EPHB3: variants seen among roughly 807,000 people sequenced by gnomAD.
EPHB3 encodes the protein ephrin type-B receptor 3.
In EPHB3, 33 loss-of-function variants were observed where a neutral mutation model predicts 100.2. That is an observed-to-expected ratio of 0.33 (90% CI 0.25 to 0.44). The LOEUF is 0.44. EPHB3 is among the 20% of genes least tolerant of loss of function. The probability of loss-of-function intolerance (pLI) is 1.00; values close to 1 mark genes in which losing one functional copy is unlikely to be tolerated. For missense variants in EPHB3, 1,045 were observed against 1,378.3 expected, an observed-to-expected ratio of 0.76 and a Z score of 3.83; for synonymous variants, 526 against 554.7, an observed-to-expected ratio of 0.95 and a Z score of 0.73.
chr3:184,564,597 A>G lies in EPHB3; in HGVS notation c.118+2244A>G, dbSNP rs555163347. On this transcript the variant is annotated intron_variant, in intron 1 of 15. Coordinates refer to ENST00000330394, the MANE Select transcript of EPHB3 (RefSeq NM_004443.4). ...TGCTCCTTGGGGAGCTTCAGGAGTG[A>G]AACGAGTGTGTGCCCTTATCCTGCT... 1.4e-4 allele frequency among the ~76,000 whole-genome samples: 22 copies of G among 152,282 alleles called. No individual in the cohort carries two copies. In the South Asian group the frequency reaches 1.5e-3, roughly 10 times the overall value.
At chr3:184,564,464 G>A (rs964030001) in intron 1 of EPHB3, among the ~76,000 whole-genome samples, 2 of 152,220 alleles carry the variant, frequency 1.3e-5, no homozygotes. Context: ...GAACCGCACC[G>A]ACCTCGCAGA....
At chr3:184,575,268 TTCTC>T (rs941953160) in intron 3 of EPHB3, 3 of 979,200 alleles carry the variant, frequency 3.1e-6, no homozygotes, top group East Asian at 1.1e-4. Flanking sequence ...CCTGCTTTCT[TTCTC>T]TCCTCCTCTC....
chr3:184,572,476 T>A lies in EPHB3; in HGVS notation c.184-28T>A, dbSNP rs750751643. Reference sequence around the variant, plus strand: ...GCACTTGGCAAATGCAGGCATTCACTCTGTCTTTTTCATTGGTCCATGCAC... The same window carrying A: ...GCACTTGGCAAATGCAGGCATTCACACTGTCTTTTTCATTGGTCCATGCAC... On this transcript the variant is annotated intron_variant, in intron 2 of 15. Transcript: ENST00000330394. The surrounding 1 kb of genome is among the most constrained non-coding windows in gnomAD (Gnocchi z 6.6). 1.3e-6 allele frequency: 2 copies of A among 1,530,370 alleles called. No individual in the cohort carries two copies. The highest frequency in any genetic ancestry group is 4.5e-5 in the Admixed American group (2 of 44,466). 94.8% of individuals were successfully genotyped at this position (1,530,370 alleles called of 1,614,324 possible).
rs1364149779 is a variant in EPHB3, at chr3:184,569,353, G to C, written c.119-1965G>C. ...GGCCTCCGCGTCTCTCGGTCTCCCT[G>C]TCTTTGTAGTCAGCCGCCGGCCATC... On this transcript the variant is annotated intron_variant, in intron 1 of 15. Coordinates refer to ENST00000330394, the MANE Select transcript of EPHB3 (RefSeq NM_004443.4). The surrounding 1 kb of genome is among the most constrained non-coding windows in gnomAD (Gnocchi z 5.4). Among the ~76,000 whole-genome samples, 1 of 152,054 alleles carries C rather than the reference G, an allele frequency of 6.6e-6. No homozygotes were observed. The highest frequency in any genetic ancestry group is 1.5e-5 in the Non-Finnish European group (1 of 67,986).
chr3:184,575,244 C>T, intron 3 of EPHB3: 1 of 984,866 alleles, frequency 1.0e-6, no homozygotes, highest in Non-Finnish European at 1.2e-6. Context: ...CTCCAGGTGA[C>T]CCCAGCCTTC....
Position 184,579,077 on chromosome 3 carries a change from C to T in EPHB3, c.1802-400C>T, listed in dbSNP as rs111638015. ...CACCATAGGTAATTGGAAAGGCTCT[C>T]AAGCTGGGGAGTAATACAATGAAAG... On this transcript the variant is annotated intron_variant, in intron 9 of 15. Coordinates refer to ENST00000330394, the MANE Select transcript of EPHB3 (RefSeq NM_004443.4). The surrounding 1 kb of genome is among the most constrained non-coding windows in gnomAD (Gnocchi z 5.2). Among the ~76,000 whole-genome samples the T allele has an allele frequency of 8.6e-3, 1,304 of 152,194 alleles. 15 individuals carry two copies. Among genetic ancestry groups the T allele is most frequent in the African/African-American group, 0.03 (1,228 of 41,526 alleles).
chr3:184,579,392 AGCAGGGAGCCTGCTGGAGCTGTGCCCATC>A lies in EPHB3; in HGVS notation c.1802-76_1802-48del. On this transcript the variant is annotated intron_variant, in intron 9 of 15. Transcript: ENST00000330394. The surrounding 1 kb of genome is among the most constrained non-coding windows in gnomAD (Gnocchi z 5.2). ...CACAGAGGAATATGGGGCTGGGCTCAGCAGGGAGCCTGCTGGAGCTGTGCCCATCGCAGGGAGAGGCTGGCTTGACGTTA... is the reference window on the plus strand; with the variant it reads ...CACAGAGGAATATGGGGCTGGGCTCAGCAGGGAGAGGCTGGCTTGACGTTA... 1 of 1,568,602 alleles carries A rather than the reference AGCAGGGAGCCTGCTGGAGCTGTGCCCATC, an allele frequency of 6.4e-7. No homozygotes were observed. Among genetic ancestry groups the A allele is most frequent in the Non-Finnish European group, 8.7e-7 (1 of 1,152,662 alleles).
chr3:184,577,825 G>GC lies in EPHB3; in HGVS notation c.1639+13dup. The GC allele has an allele frequency of 6.2e-7, 1 of 1,604,030 alleles. No homozygotes were observed. The highest frequency in any genetic ancestry group is 1.1e-5 in the South Asian group (1 of 90,174). ...AGACCACAAGTGAGAGAGGTTAGTAGCCCCCTGCGCCTGTCCCCATCGCGG... is the reference window on the plus strand; with the variant it reads ...AGACCACAAGTGAGAGAGGTTAGTAGCCCCCCTGCGCCTGTCCCCATCGCGG... On this transcript the variant is annotated intron_variant, in intron 7 of 15. Coordinates refer to ENST00000330394, the MANE Select transcript of EPHB3 (RefSeq NM_004443.4). This position sits in a 1 kb window ranked among gnomAD's most constrained non-coding sequence, Gnocchi z 4.9.
At position 184,577,639 on chromosome 3, in the gene EPHB3, C is replaced by T. The variant is rs992079919; in HGVS notation, c.1480-19C>T. 9.5e-6 allele frequency: 15 copies of T among 1,578,870 alleles called. No homozygotes were observed. In the African/African-American group the frequency reaches 1.2e-4, roughly 13 times the overall value. On this transcript the variant is annotated intron_variant, in intron 6 of 15. Coordinates refer to ENST00000330394, the MANE Select transcript of EPHB3 (RefSeq NM_004443.4). The surrounding 1 kb of genome is among the most constrained non-coding windows in gnomAD (Gnocchi z 4.9). The stretch of plus-strand genomic sequence containing the variant: ...CTCAGGACCCACCTGAGGGTGCCCC[C>T]TCTCTCCTGGCATTGCAGAGCGAGG...
In EPHB3 at chr3:184,572,704, G is replaced by A. The variant is rs745947275; in HGVS notation, c.384G>A (p.Glu128=). The A allele has an allele frequency of 2.0e-5, 33 of 1,611,820 alleles. No homozygotes were observed. The highest frequency in any genetic ancestry group is 2.8e-5 in the Non-Finnish European group (33 of 1,179,232). Residue 128 remains glutamate (E), a synonymous_variant, in exon 3 of 16, where the codon GAG becomes GAA. Coordinates refer to ENST00000330394, the MANE Select transcript of EPHB3 (RefSeq NM_004443.4). The surrounding 1 kb of genome is among the most constrained non-coding windows in gnomAD (Gnocchi z 6.6). ...SIPNIPGSCK[E]TFNLFYYEAD... Reference sequence around the variant, plus strand: ...CCAACATCCCCGGCTCCTGCAAGGAGACCTTCAACCTCTTCTACTACGAGG... The same window carrying A: ...CCAACATCCCCGGCTCCTGCAAGGAAACCTTCAACCTCTTCTACTACGAGG...
In EPHB3 at chr3:184,563,941, T is replaced by A. The variant is rs115566972; in HGVS notation, c.118+1588T>A. 9.1e-3 allele frequency among the ~76,000 whole-genome samples: 1,384 copies of A among 151,988 alleles called. 22 individuals are homozygous for A. The highest frequency in any genetic ancestry group is 0.032 in the African/African-American group (1,328 of 41,420). ...GTGGGTGCTGGTGCTGAGTGTGGAGTGGGAGTGTGGTTTGGGTCAGGTGCA... is the reference window on the plus strand; with the variant it reads ...GTGGGTGCTGGTGCTGAGTGTGGAGAGGGAGTGTGGTTTGGGTCAGGTGCA... On this transcript the variant is annotated intron_variant, in intron 1 of 15. Transcript: ENST00000330394. This position sits in a 1 kb window ranked among gnomAD's most constrained non-coding sequence, Gnocchi z 4.1.
In EPHB3 at chr3:184,573,600, C is replaced by T. The variant is rs1714597051; in HGVS notation, c.856+424C>T. Reference sequence around the variant, plus strand: ...GGTACCTTGTGCATGGCTTTTTACCCTGGGCTCTCTGCCCCTTGGGAGGCA... The same window carrying T: ...GGTACCTTGTGCATGGCTTTTTACCTTGGGCTCTCTGCCCCTTGGGAGGCA... On this transcript the variant is annotated intron_variant, in intron 3 of 15. Transcript: ENST00000330394. The surrounding 1 kb of genome is among the most constrained non-coding windows in gnomAD (Gnocchi z 4.5). 8.2e-6 allele frequency among the ~76,000 whole-genome samples: 1 copy of T among 121,762 alleles called. No individual in the cohort carries two copies. The highest frequency in any genetic ancestry group is 1.8e-5 in the Non-Finnish European group (1 of 55,044). 79.9% of individuals were successfully genotyped at this position (121,762 alleles called of 152,430 possible).
rs202154763 is a variant in EPHB3, at chr3:184,580,892, C to A, written c.2538+14C>A. ...AGCAACCAGGATGTGAGTGAGGCTA[C>A]GCCAGAGTGGTTGGGTAGGTGGGTG... On this transcript the variant is annotated intron_variant, in intron 13 of 15. Coordinates refer to ENST00000330394, the MANE Select transcript of EPHB3 (RefSeq NM_004443.4). 1.2e-6 allele frequency: 2 copies of A among 1,610,624 alleles called. No individual in the cohort carries two copies. The highest frequency in any genetic ancestry group is 1.7e-6 in the Non-Finnish European group (2 of 1,177,190).
At chr3:184,574,520 C>T (rs555604296) in intron 3 of EPHB3, among the ~76,000 whole-genome samples, 1 of 152,352 alleles carries the variant, frequency 6.6e-6, no homozygotes, top group Non-Finnish European at 1.5e-5. Flanking sequence ...TCTTTCGCTC[C>T]CTCTGCCCGA....
rs1045548907 is a variant in EPHB3, at chr3:184,576,329, C to T, written c.1012+344C>T. On this transcript the variant is annotated intron_variant, in intron 4 of 15. Transcript: ENST00000330394. ...TTGGCCTTCTAGTCCGTTGCCCCTCCGTCTGTATAGAAGTGCCTCTCTCCA... is the reference window on the plus strand; with the variant it reads ...TTGGCCTTCTAGTCCGTTGCCCCTCTGTCTGTATAGAAGTGCCTCTCTCCA... Among the ~76,000 whole-genome samples the T allele has an allele frequency of 3.3e-5, 5 of 152,058 alleles. No individual in the cohort carries two copies. In the South Asian group the frequency reaches 8.3e-4, roughly 25 times the overall value.
rs1489331903 is a variant in EPHB3, at chr3:184,573,059, G to A, written c.739G>A (p.Glu247Lys). The change falls in exon 3 of 16, where the codon GAG becomes AAG. Residue 247 changes from glutamate to lysine, a missense_variant. Glu to Lys is a moderately conservative substitution (Grantham distance 56). Coordinates refer to ENST00000330394, the MANE Select transcript of EPHB3 (RefSeq NM_004443.4). This position sits in a 1 kb window ranked among gnomAD's most constrained non-coding sequence, Gnocchi z 4.5. ...APGTCIPNAV[E>K]VSVPLKLYCN... The stretch of plus-strand genomic sequence containing the variant: ...TGGCACCTGCATCCCTAACGCCGTG[G>A]AGGTGTCGGTGCCACTCAAGCTCTA... 3 of 1,612,856 alleles carry A rather than the reference G, an allele frequency of 1.9e-6. No homozygotes were observed. Among genetic ancestry groups the A allele is most frequent in the Non-Finnish European group, 2.5e-6 (3 of 1,179,948 alleles).
rs71188826 is a variant in EPHB3 at position 184,569,207 on chromosome 3, C to CGGCGGGCGGACT, written c.119-2105_119-2104insCGGACTGGCGGG. On this transcript the variant is annotated intron_variant, in intron 1 of 15. Coordinates refer to ENST00000330394, the MANE Select transcript of EPHB3 (RefSeq NM_004443.4). This position sits in a 1 kb window ranked among gnomAD's most constrained non-coding sequence, Gnocchi z 5.4. ...CCGGCGGGCGGACCGGCGGGCGGAC[C>CGGCGGGCGGACT]GGCGGGAGGACTGGCTGCGGGGGCA... Among the ~76,000 whole-genome samples the CGGCGGGCGGACT allele has an allele frequency of 0.18, 27,734 of 151,448 alleles. 2,851 individuals are homozygous for CGGCGGGCGGACT. Among genetic ancestry groups the CGGCGGGCGGACT allele is most frequent in the East Asian group, 0.29 (1,476 of 5,072 alleles).
rs762407195 is a variant in EPHB3 at position 184,580,593 on chromosome 3, C to T, written c.2364C>T (p.Ser788=). Residue 788 remains serine, a synonymous_variant, in exon 12 of 16, where the codon TCC becomes TCT. Coordinates refer to ENST00000330394, the MANE Select transcript of EPHB3 (RefSeq NM_004443.4). ...GLSRFLEDDP[S]DPTYTSSLGG... ...CCCGCTTCCTGGAGGATGACCCCTC[C>T]GATCCTACCTACACCAGTTCCCTGG... 2.9e-5 allele frequency: 47 copies of T among 1,614,048 alleles called. No homozygotes were observed. Among genetic ancestry groups the T allele is most frequent in the African/African-American group, 1.2e-4 (9 of 74,936 alleles).
Position 184,578,070 on chromosome 3 carries a change from C to T in EPHB3, c.1748+64C>T. 6.4e-7 allele frequency: 1 copy of T among 1,554,642 alleles called. No individual in the cohort carries two copies. Among genetic ancestry groups the T allele is most frequent in the Non-Finnish European group, 8.8e-7 (1 of 1,137,702 alleles). ...AACTGCCCTTTAGCATCCTAGAGCC[C>T]TCATGCCACAGAGATGAGCCGCCAC... On this transcript the variant is annotated intron_variant, in intron 8 of 15. Coordinates refer to ENST00000330394, the MANE Select transcript of EPHB3 (RefSeq NM_004443.4). The surrounding 1 kb of genome is among the most constrained non-coding windows in gnomAD (Gnocchi z 4.7).
Sources: gnomAD v4.1 joint callset for allele counts (sites outside exome capture counted in the v4.1 genomes callset) on GRCh38, gnomAD v4.1.1 for gene constraint, Gnocchi (gnomAD v3.1) non-coding constraint, MANE v1.5 for transcripts, NCBI Gene and HGNC (gene_info 2026-07-23, HGNC 2026-07-21) for gene names.